Variants in ALDH1L1 observed in about 807,000 individuals in gnomAD.
The protein encoded by ALDH1L1 is aldehyde dehydrogenase 1 family member L1, also known as cytosolic 10-formyltetrahydrofolate dehydrogenase.
In ALDH1L1, 68 loss-of-function variants were observed where a neutral mutation model predicts 101.1. That is an observed-to-expected ratio of 0.67 (90% confidence interval 0.55 to 0.82). ALDH1L1 has a LOEUF of 0.82. ALDH1L1 is among the 40% of genes least tolerant of loss of function. ALDH1L1 has a pLI of 0.00. For synonymous variants in ALDH1L1, 486 were observed against 470.8 expected (o/e 1.03, Z -0.42); for missense variants, 1,087 against 1,172.7 (o/e 0.93, Z 1.07).
chr3:126,168,499 T>C (rs775677198), intron 1 of ALDH1L1, among the ~76,000 whole-genome samples: 5 of 152,174 alleles, frequency 3.3e-5, no homozygotes, highest in Non-Finnish European at 7.4e-5. Flanking sequence ...AAATGGTTTT[T>C]GCTTTTCCAG....
intron 14 of ALDH1L1, among the ~76,000 whole-genome samples, chr3:126,128,169 G>C (rs1576433198): frequency 6.6e-6 from 1 of 152,174 alleles, no homozygotes; most frequent in South Asian, 2.1e-4. Context: ...GCCACCCGAG[G>C]ATTCCGAGTG....
chr3:126,124,612 C>T (rs527783932), intron 15 of ALDH1L1, among the ~76,000 whole-genome samples, 161 bp from the exon 16 acceptor site: 1 of 152,264 alleles, frequency 6.6e-6, no homozygotes, highest in Non-Finnish European at 1.5e-5. Flanking sequence ...CCAGAGGGGG[C>T]CCTGCCTGCC....
chr3:126,110,351 G>A (rs905207660), intron 19 of ALDH1L1: 6 of 570,150 alleles, frequency 1.1e-5, no homozygotes, highest in Non-Finnish European at 1.9e-5. Context: ...GGCTGGAAAT[G>A]GAGACATACA....
chr3:126,194,193 A>G (rs906231354), intron 1 of ALDH1L1, among the ~76,000 whole-genome samples: 1 of 152,236 alleles, frequency 6.6e-6, no homozygotes, highest in Non-Finnish European at 1.5e-5. Context: ...GATTGATAGC[A>G]TATACTCAGA....
intron 8 of ALDH1L1, among the ~76,000 whole-genome samples, chr3:126,147,249 G>T (rs1388172084): frequency 6.6e-6 from 1 of 152,202 alleles, no homozygotes; most frequent in Non-Finnish European, 1.5e-5. Context: ...TCTAGGCATG[G>T]CTGGGGACTA....
chr3:126,123,598 GA>G lies in ALDH1L1; in HGVS notation c.1888+765del, dbSNP rs574661579. Among the ~76,000 whole-genome samples, 143 of 82,034 alleles carry G rather than the reference GA, an allele frequency of 1.7e-3. 1 individual carries two copies. The highest frequency in any genetic ancestry group is 6.6e-3 in the African/African-American group (135 of 20,426). 53.8% of individuals were successfully genotyped at this position (82,034 alleles called of 152,430 possible). A position where few individuals can be genotyped will look rare whatever the true frequency, so the allele number is the denominator to read the frequency against. ...TCAAATGCTTTCCTTATTTGAACTA[GA>G]AAAAAACTGAACTAAATTTTCAACC... is the stretch of plus-strand genomic sequence containing the variant. On this transcript the variant is annotated intron_variant, in intron 16 of 22. Transcript: ENST00000393434.
At chr3:126,106,088 G>A (rs968374394) in intron 21 of ALDH1L1, among the ~76,000 whole-genome samples, 163 bp from the exon 22 acceptor site, 2 of 152,216 alleles carry the variant, frequency 1.3e-5, no homozygotes, top group African/African-American at 4.8e-5. Context: ...GTTGGGCTGC[G>A]AGCGAGGAGG....
rs1035189346 is a variant in ALDH1L1 at position 126,158,487 on chromosome 3, T to C, written c.280A>G (p.Ile94Val). The change falls in exon 3 of 23, where the codon ATA (isoleucine) becomes GTA (valine). Residue 94 changes from isoleucine to valine, a missense_variant. Around this residue, in one of 2 missense-constraint regions of ALDH1L1, gnomAD observed 645 missense variants for 637.0 expected, o/e 1.01. Transcript: ENST00000393434. ...PFCSQFIPMEIISAPRHGSII... is the reference protein window; with the variant it reads ...PFCSQFIPMEVISAPRHGSII... ...GAGCCATGCCGGGGGGCACTGATTA[T>C]CTCCATGGGGATGAATTGGCTGCAG... 1 of 1,614,066 alleles carries C rather than the reference T, an allele frequency of 6.2e-7. No individual in the cohort carries two copies. Among genetic ancestry groups the C allele is most frequent in the Non-Finnish European group, 8.5e-7 (1 of 1,179,974 alleles).
chr3:126,131,657 T>C (rs1375517511), intron 12 of ALDH1L1, 123 bp from the exon 13 acceptor site: 2 of 1,122,648 alleles, frequency 1.8e-6, no homozygotes, highest in Non-Finnish European at 1.2e-6. Flanking sequence ...CACTCTCAGA[T>C]GTGCGGACCT....
At chr3:126,117,163 T>C (rs925482000) in intron 17 of ALDH1L1, among the ~76,000 whole-genome samples, 7 of 150,210 alleles carry the variant, frequency 4.7e-5, no homozygotes, top group Non-Finnish European at 1.0e-4. Flanking sequence ...GAGGATCGCA[T>C]GAGCCAGGGA....
chr3:126,143,207 T>G (rs1387109711), intron 9 of ALDH1L1, among the ~76,000 whole-genome samples: 2 of 152,192 alleles, frequency 1.3e-5, no homozygotes, highest in Non-Finnish European at 2.9e-5. Flanking sequence ...TTCTACTGAA[T>G]TCGTATCATG....
At chr3:126,107,277 G>A (rs1472536867) in intron 20 of ALDH1L1, 31 bp from the exon 21 acceptor site, 1 of 1,560,046 alleles carries the variant, frequency 6.4e-7, no homozygotes, top group East Asian at 2.2e-5. Context: ...CGTTGCACAT[G>A]GGAGACACGG....
chr3:126,158,476 G>C lies in ALDH1L1; in HGVS notation c.291C>G (p.Ala97=), dbSNP rs747640087. 6.2e-7 allele frequency: 1 copy of C among 1,613,998 alleles called. No individual in the cohort carries two copies. The highest frequency in any genetic ancestry group is 8.5e-7 in the Non-Finnish European group (1 of 1,179,942). The change falls in exon 3 of 23, where the codon GCC becomes GCG. Residue 97 remains alanine (A), a synonymous_variant. Coordinates refer to ENST00000393434, the MANE Select transcript of ALDH1L1 (RefSeq NM_012190.4). The part of the protein sequence containing the change: ...SQFIPMEIIS[A]PRHGSIIYHP... ...GATAGATGATGGAGCCATGCCGGGGGGCACTGATTATCTCCATGGGGATGA... is the reference window on the plus strand; with the variant it reads ...GATAGATGATGGAGCCATGCCGGGGCGCACTGATTATCTCCATGGGGATGA...
chr3:126,158,560 C>T lies in ALDH1L1; in HGVS notation c.207G>A (p.Val69=), dbSNP rs765243405. The part of the protein sequence containing the change: ...WRAKGQALPD[V]VAKYQALGAE... ...CCCCCAAAGCCTGGTATTTTGCCAC[C>T]ACATCAGGCAAAGCCTGTCCTTTTG... is the stretch of plus-strand genomic sequence containing the variant. Residue 69 remains valine, a synonymous_variant, in exon 3 of 23, where the codon GTG becomes GTA. Transcript: ENST00000393434. The T allele has an allele frequency of 1.1e-5, 18 of 1,614,120 alleles. No individual in the cohort carries two copies. The highest frequency in any genetic ancestry group is 1.5e-5 in the Non-Finnish European group (18 of 1,180,042).
chr3:126,117,733 T>C (rs978094679), intron 17 of ALDH1L1, among the ~76,000 whole-genome samples: 1 of 152,112 alleles, frequency 6.6e-6, no homozygotes, highest in Non-Finnish European at 1.5e-5. Context: ...GGGTGCTCAG[T>C]TCTTGAAATC....
intron 22 of ALDH1L1, 106 bp from the exon 23 acceptor site, chr3:126,103,952 C>T (rs1404239103): frequency 1.6e-6 from 2 of 1,268,820 alleles, no homozygotes; most frequent in Admixed American, 2.0e-5. Context: ...AGCTCTGGCT[C>T]ACCCCACTTC....
chr3:126,133,640 G>A (rs897825090), intron 12 of ALDH1L1, among the ~76,000 whole-genome samples: 2 of 152,228 alleles, frequency 1.3e-5, no homozygotes, highest in African/African-American at 4.8e-5. Context: ...ATTCAGTTAG[G>A]CTGCTGAATT....
At chr3:126,178,445 C>A (rs753843912) in intron 1 of ALDH1L1, among the ~76,000 whole-genome samples, 2 of 149,326 alleles carry the variant, frequency 1.3e-5, no homozygotes, top group Non-Finnish European at 3.0e-5. Context: ...TAGGAGAAAG[C>A]GCGCAGGAAG....
intron 20 of ALDH1L1, chr3:126,107,949 G>A (rs1332901396): frequency 6.6e-6 from 1 of 152,108 alleles, no homozygotes; most frequent in Non-Finnish European, 1.5e-5. Flanking sequence ...ATTCAATCCT[G>A]CCTAACTTAG....
Sources: allele counts gnomAD v4.1 joint callset (sites outside exome capture counted in the v4.1 genomes callset), GRCh38; gene constraint gnomAD v4.1.1; regional missense constraint gnomAD v4.1.1; transcripts MANE v1.5; gene names NCBI Gene and HGNC (gene_info 2026-07-23, HGNC 2026-07-21).